The following FBN2 variants were observed in gnomAD, a reference collection of about 807,000 sequenced individuals.
The protein encoded by FBN2 is fibrillin 2.
FBN2 carries 105 observed loss-of-function variants against 355.6 expected under a neutral mutation model. That is an observed-to-expected ratio of 0.30 (90% confidence interval 0.25 to 0.35). The LOEUF (loss-of-function observed/expected upper bound fraction) is 0.35, where lower values mean the gene tolerates loss of function less well. FBN2 is among the 10% of genes least tolerant of loss of function. The pLI is 1.00. For synonymous variants in FBN2, 1,350 were observed against 1,301.2 expected (o/e 1.04, Z -0.81); for missense variants, 3,280 against 3,758.7 (o/e 0.87, Z 3.33).
At chr5:128,500,528 C>T (rs1367315335) in intron 5 of FBN2, among the ~76,000 whole-genome samples, 3 of 149,608 alleles carry the variant, frequency 2.0e-5, no homozygotes, top group East Asian at 2.0e-4. Context: ...CTGCAAGCTC[C>T]GCCTCCCGGG....
intron 2 of FBN2, among the ~76,000 whole-genome samples, chr5:128,535,369 A>G (rs186248312): frequency 1.8e-4 from 28 of 152,354 alleles, no homozygotes; most frequent in African/African-American, 6.5e-4. Context: ...CATCCTTATT[A>G]TCCCTTGGTT....
At chr5:128,457,576 G>A (rs1001959009) in intron 6 of FBN2, among the ~76,000 whole-genome samples, 3 of 152,126 alleles carry the variant, frequency 2.0e-5, no homozygotes, top group African/African-American at 7.2e-5. Flanking sequence ...ACCTTCAAAG[G>A]GAAGCACATC....
At chr5:128,265,731 T>C (rs187661564) in intron 62 of FBN2, among the ~76,000 whole-genome samples, 1 of 152,356 alleles carries the variant, frequency 6.6e-6, no homozygotes, top group East Asian at 1.9e-4. Context: ...TACCAGAACG[T>C]TGTAAATTCT....
At position 128,278,855 on chromosome 5, in the gene FBN2, G is replaced by C; in HGVS notation, c.7139-14C>G. 6.2e-7 allele frequency: 1 copy of C among 1,604,964 alleles called. No homozygotes were observed. Among genetic ancestry groups the C allele is most frequent in the Non-Finnish European group, 8.5e-7 (1 of 1,173,654 alleles). ...CCTGTCGATTGTCTGAAATGGCAAA[G>C]TAGAAAGAGTTAAGGATGCGGAACT... is the stretch of plus-strand genomic sequence containing the variant. On this transcript the variant is annotated splice_polypyrimidine_tract_variant and intron_variant, in intron 56 of 64. Transcript: ENST00000262464.
At chr5:128,403,335 C>T (rs1476839647) in intron 8 of FBN2, among the ~76,000 whole-genome samples, 1 of 152,184 alleles carries the variant, frequency 6.6e-6, no homozygotes, top group African/African-American at 2.4e-5. Flanking sequence ...GTTTGGAAAG[C>T]TTGAGGAAAT....
intron 15 of FBN2, among the ~76,000 whole-genome samples, chr5:128,372,852 C>T (rs770245792): frequency 6.6e-6 from 1 of 152,092 alleles, no homozygotes; most frequent in Non-Finnish European, 1.5e-5. Flanking sequence ...GTCTTGAACT[C>T]CTGGGCTCCA....
In FBN2 at chr5:128,259,563, G is replaced by A; in HGVS notation, c.8631C>T (p.Leu2877=). The change falls in exon 65 of 65, where the codon CTC becomes CTT. Residue 2877 remains leucine (L), a synonymous_variant. Transcript: ENST00000262464. The stretch of plus-strand genomic sequence containing the variant: ...GTTTCTTAAGCTCCTTCTTCTTGTA[G>A]AGAGGGATGCTAGTGATTTCCAGTG... ...TYTLEITSIP[L]YKKKELKKLE... The A allele has an allele frequency of 6.2e-7, 1 of 1,614,114 alleles. No individual in the cohort carries two copies. Among genetic ancestry groups the A allele is most frequent in the Non-Finnish European group, 8.5e-7 (1 of 1,180,012 alleles).
Position 128,262,109 on chromosome 5 carries a change from T to C in FBN2, c.8193-202A>G, listed in dbSNP as rs368866766. Among the ~76,000 whole-genome samples the C allele has an allele frequency of 2.2e-4, 34 of 152,330 alleles. 1 individual carries two copies. In the East Asian group the frequency reaches 4.6e-3, roughly 21 times the overall value. ...CTCTGTTTCCCAAGCTGGAGTACAG[T>C]GGCACGATCTTGCTCACTGCAGCCT... is the stretch of plus-strand genomic sequence containing the variant. On this transcript the variant is annotated intron_variant, in intron 63 of 64. Transcript: ENST00000262464.
chr5:128,265,560 C>A (rs1196411322), intron 62 of FBN2, among the ~76,000 whole-genome samples: 2 of 152,132 alleles, frequency 1.3e-5, no homozygotes, highest in African/African-American at 4.8e-5. Context: ...ACAGAAGCAA[C>A]TGGAAGTTAC....
chr5:128,469,308 A>C (rs1754793198), intron 5 of FBN2, among the ~76,000 whole-genome samples: 1 of 152,070 alleles, frequency 6.6e-6, no homozygotes, highest in African/African-American at 2.4e-5. Flanking sequence ...TTGGTGAAGG[A>C]TGAGGCTGGA....
intron 55 of FBN2, among the ~76,000 whole-genome samples, chr5:128,280,731 C>T (rs1240776411): frequency 6.6e-6 from 1 of 151,838 alleles, no homozygotes; most frequent in African/African-American, 2.4e-5. Context: ...ACAGTAAAAG[C>T]CTCACAGGCC....
chr5:128,316,857 T>C (rs564133352), intron 36 of FBN2, among the ~76,000 whole-genome samples: 4 of 152,312 alleles, frequency 2.6e-5, no homozygotes, highest in South Asian at 2.1e-4. Context: ...TTAAGAAATA[T>C]TGAGGCCCCA....
At chr5:128,401,845 T>C (rs942806704) in intron 8 of FBN2, among the ~76,000 whole-genome samples, 1 of 152,190 alleles carries the variant, frequency 6.6e-6, no homozygotes, top group African/African-American at 2.4e-5. Flanking sequence ...GTCAGTCCTG[T>C]AATACATGTA....
rs779034237 is a variant in FBN2, at chr5:128,305,960, C to T, written c.5423-12G>A. The T allele has an allele frequency of 3.7e-6, 6 of 1,612,112 alleles. No individual in the cohort carries two copies. The highest frequency in any genetic ancestry group is 5.1e-6 in the Non-Finnish European group (6 of 1,178,406). On this transcript the variant is annotated splice_polypyrimidine_tract_variant and intron_variant, in intron 42 of 64. Coordinates refer to ENST00000262464, the MANE Select transcript of FBN2 (RefSeq NM_001999.4). ...ACATTCATCAATGTCTGAAATGGAA[C>T]AGATTTGGTCAAATATATGTTGTTC...
chr5:128,271,069 AT>A (rs1157935209), intron 62 of FBN2, among the ~76,000 whole-genome samples: 2 of 152,040 alleles, frequency 1.3e-5, no homozygotes, highest in African/African-American at 4.8e-5. Flanking sequence ...ATTTATCTTG[AT>A]TTTTTGTTCT....
intron 6 of FBN2, among the ~76,000 whole-genome samples, chr5:128,460,504 AC>A (rs562955771): frequency 9.2e-5 from 14 of 152,288 alleles, no homozygotes; most frequent in East Asian, 1.9e-4. Context: ...AGAAAAAAAA[AC>A]ATTTTAAATT....
At chr5:128,355,115 G>T (rs1751466531) in intron 20 of FBN2, among the ~76,000 whole-genome samples, 1 of 152,158 alleles carries the variant, frequency 6.6e-6, no homozygotes, top group Non-Finnish European at 1.5e-5. Context: ...GAAGATAGTT[G>T]TGCCTGGAAA....
At chr5:128,439,027 T>C (rs1056851483) in intron 7 of FBN2, among the ~76,000 whole-genome samples, 1 of 152,176 alleles carries the variant, frequency 6.6e-6, no homozygotes, top group African/African-American at 2.4e-5. Context: ...ATTGCCTTTG[T>C]CATGTAACAA....
intron 2 of FBN2, among the ~76,000 whole-genome samples, chr5:128,533,375 G>C (rs1756759812): frequency 1.3e-5 from 2 of 152,164 alleles, no homozygotes; most frequent in South Asian, 2.1e-4. Context: ...TATATACTCT[G>C]TATCTGTGAG....
Sources: gnomAD v4.1 joint callset for allele counts (sites outside exome capture counted in the v4.1 genomes callset) on GRCh38, gnomAD v4.1.1 for gene constraint, MANE v1.5 for transcripts, NCBI Gene and HGNC (gene_info 2026-07-23, HGNC 2026-07-21) for gene names.